The following ANKRD33B variants were observed in gnomAD, a reference collection of about 807,000 sequenced individuals.
ANKRD33B encodes ankyrin repeat domain-containing protein 33B.
A neutral mutation model predicts 21.5 loss-of-function variants in ANKRD33B; 6 were observed. That is an observed-to-expected ratio of 0.28 (90% CI 0.15 to 0.55). ANKRD33B has a LOEUF of 0.55. ANKRD33B is among the 20% of genes least tolerant of loss of function. ANKRD33B has a pLI of 0.94. For missense variants in ANKRD33B, 698 were observed against 747.2 expected, an observed-to-expected ratio of 0.93 and a Z score of 0.77; for synonymous variants, 347 against 342.4, an observed-to-expected ratio of 1.01 and a Z score of -0.15.
At chr5:10,570,110 C>T (rs1735145528) in intron 1 of ANKRD33B, among the ~76,000 whole-genome samples, 1 of 152,182 alleles carries the variant, frequency 6.6e-6, no homozygotes, top group Non-Finnish European at 1.5e-5. Flanking sequence ...CTCCTGAGCT[C>T]AAGTGATCCA....
chr5:10,587,535 T>C (rs1735592182), intron 1 of ANKRD33B, among the ~76,000 whole-genome samples: 1 of 151,742 alleles, frequency 6.6e-6, no homozygotes, highest in Admixed American at 6.6e-5. Flanking sequence ...TATTTTATTA[T>C]TCTTCTGATA....
chr5:10,637,791 G>A (rs1447701797), intron 2 of ANKRD33B, among the ~76,000 whole-genome samples: 5 of 152,066 alleles, frequency 3.3e-5, no homozygotes, highest in African/African-American at 7.2e-5. Flanking sequence ...GTGCTTTGCC[G>A]AAGGGGACCT....
chr5:10,637,207 A>G (rs999782577), intron 2 of ANKRD33B, among the ~76,000 whole-genome samples: 2 of 152,218 alleles, frequency 1.3e-5, no homozygotes, highest in Non-Finnish European at 2.9e-5. Context: ...AGAATCCTGG[A>G]AACAGCACTG....
At chr5:10,579,363 T>A (rs1230241556) in intron 1 of ANKRD33B, among the ~76,000 whole-genome samples, 4 of 151,996 alleles carry the variant, frequency 2.6e-5, no homozygotes, top group Non-Finnish European at 5.9e-5. Context: ...GTTTTTTTTT[T>A]TTTGGAAAAA....
At chr5:10,581,872 A>G (rs949697589) in intron 1 of ANKRD33B, among the ~76,000 whole-genome samples, 5 of 152,100 alleles carry the variant, frequency 3.3e-5, no homozygotes, top group African/African-American at 1.2e-4. Flanking sequence ...GCCAGCCCCC[A>G]CAATCTCATG....
At chr5:10,645,192 A>G (rs1737165161) in intron 3 of ANKRD33B, among the ~76,000 whole-genome samples, 1 of 152,172 alleles carries the variant, frequency 6.6e-6, no homozygotes, top group African/African-American at 2.4e-5. Flanking sequence ...CCCAAGATAC[A>G]GGCTGGAGGT....
intron 1 of ANKRD33B, among the ~76,000 whole-genome samples, chr5:10,571,467 G>T (rs912393910): frequency 3.3e-5 from 5 of 152,122 alleles, no homozygotes; most frequent in Non-Finnish European, 5.9e-5. Context: ...CTCCCAAAGC[G>T]CTGGGATTAC....
intron 2 of ANKRD33B, chr5:10,627,897 T>C (rs552067353): frequency 1.3e-5 from 2 of 152,382 alleles, no homozygotes; most frequent in Admixed American, 1.3e-4. Context: ...CTCAGCCAGC[T>C]TGGGGCTTGC....
rs1737292989 is a variant in ANKRD33B, at chr5:10,649,820, G to A, written c.1192G>A (p.Ala398Thr). 2 of 1,387,078 alleles carry A rather than the reference G, an allele frequency of 1.4e-6. No homozygotes were observed. Among genetic ancestry groups the A allele is most frequent in the South Asian group, 1.6e-5 (1 of 64,436 alleles). 85.9% of individuals were successfully genotyped at this position (1,387,078 alleles called of 1,614,324 possible). Residue 398 changes from alanine to threonine, a missense_variant, in exon 4 of 4, where the codon GCG becomes ACG. Physicochemically the swap from Ala to Thr is moderately conservative, Grantham distance 58. Transcript: ENST00000296657. ...CGCCCTGGGGTCCCGGGGCCCCGCAGCGCCCGCCCCGCGGAAGGCCAGCCT... is the reference window on the plus strand; with the variant it reads ...CGCCCTGGGGTCCCGGGGCCCCGCAACGCCCGCCCCGCGGAAGGCCAGCCT... ...PPALGSRGPA[A>T]PAPRKASLLP...
In ANKRD33B at chr5:10,632,912, C is replaced by T. The variant is rs1259839415; in HGVS notation, c.497-5116C>T. 5.3e-5 allele frequency among the ~76,000 whole-genome samples: 8 copies of T among 151,394 alleles called. No homozygotes were observed. The East Asian group carries it at 5.9e-4, about 11-fold the overall frequency. ...AAGTGATTCTCCTGCCTCAGCCTCCCGAGTAGCTGGGATTACAGGCACCCG... is the reference window on the plus strand; with the variant it reads ...AAGTGATTCTCCTGCCTCAGCCTCCTGAGTAGCTGGGATTACAGGCACCCG... On this transcript the variant is annotated intron_variant, in intron 2 of 3. Coordinates refer to ENST00000296657, the MANE Select transcript of ANKRD33B (RefSeq NM_001164440.2).
chr5:10,568,114 A>G (rs192770629), intron 1 of ANKRD33B, among the ~76,000 whole-genome samples: 3 of 152,340 alleles, frequency 2.0e-5, no homozygotes, highest in Non-Finnish European at 4.4e-5. Flanking sequence ...GCCTCCTGAG[A>G]TTGGTAGAAT....
At chr5:10,631,853 G>A (rs114689089) in intron 2 of ANKRD33B, among the ~76,000 whole-genome samples, 1,676 of 152,278 alleles carry the variant, frequency 0.011, 29 homozygotes, top group African/African-American at 0.038. Context: ...CCTGCCGGAC[G>A]CACTCCAAAG....
intron 2 of ANKRD33B, among the ~76,000 whole-genome samples, chr5:10,629,153 TGTCACCGTGCTGCTG>T (rs1736647646): frequency 6.6e-6 from 1 of 152,144 alleles, no homozygotes; most frequent in Non-Finnish European, 1.5e-5. Flanking sequence ...CCCCTGTTGG[TGTCACCGTGCTGCTG>T]GTGTGGAGAA....
At chr5:10,565,442 A>G (rs1286190638) in intron 1 of ANKRD33B, among the ~76,000 whole-genome samples, 1 of 152,216 alleles carries the variant, frequency 6.6e-6, no homozygotes, top group Middle Eastern at 3.2e-3. Context: ...GCGACCAGCC[A>G]ACGTGATCTC....
chr5:10,603,104 G>A (rs1436513340), intron 1 of ANKRD33B, among the ~76,000 whole-genome samples: 2 of 151,862 alleles, frequency 1.3e-5, no homozygotes, highest in Admixed American at 6.6e-5. Context: ...GTGAGCCACC[G>A]TGCCCGGCCT....
chr5:10,649,522 C>T lies in ANKRD33B; in HGVS notation c.894C>T (p.Gly298=), dbSNP rs1560989623. The T allele has an allele frequency of 1.3e-6, 2 of 1,533,624 alleles. No homozygotes were observed. The highest frequency in any genetic ancestry group is 4.9e-5 in the East Asian group (2 of 40,832). ...TGCTGACGCCGCGCTCCGTGCGGGG[C>T]CCGGAGGACGGGGGCGTCCTGGACC... ...LSVLTPRSVR[G]PEDGGVLDHM... is the part of the protein sequence containing the mutation. Residue 298 remains glycine (G), a synonymous_variant, in exon 4 of 4, where the codon GGC becomes GGT. Coordinates refer to ENST00000296657, the MANE Select transcript of ANKRD33B (RefSeq NM_001164440.2).
chr5:10,611,821 G>T (rs1736178216), intron 1 of ANKRD33B, among the ~76,000 whole-genome samples: 1 of 152,250 alleles, frequency 6.6e-6, no homozygotes, highest in Non-Finnish European at 1.5e-5. Flanking sequence ...AGTCCCTTCA[G>T]AAAGGAAGTT....
intron 1 of ANKRD33B, among the ~76,000 whole-genome samples, chr5:10,589,898 C>A (rs375657773): frequency 6.6e-6 from 1 of 150,728 alleles, no homozygotes; most frequent in African/African-American, 2.4e-5. Flanking sequence ...CACATTAGAC[C>A]TTTTATACCA....
At chr5:10,579,415 A>G (rs1400377848) in intron 1 of ANKRD33B, among the ~76,000 whole-genome samples, 1 of 151,972 alleles carries the variant, frequency 6.6e-6, no homozygotes, top group Non-Finnish European at 1.5e-5. Context: ...TTATTAAAAC[A>G]CAAATCAGGT....
Sources: gnomAD v4.1 joint callset for allele counts (sites outside exome capture counted in the v4.1 genomes callset) on GRCh38, gnomAD v4.1.1 for gene constraint, MANE v1.5 for transcripts, NCBI Gene and HGNC (gene_info 2026-07-23, HGNC 2026-07-21) for gene names.